Variants in PPP1R9A observed in about 807,000 individuals in gnomAD.
PPP1R9A encodes protein phosphatase 1 regulatory subunit 9A.
In PPP1R9A, 59 loss-of-function variants were observed where a neutral mutation model predicts 141.9. The observed-to-expected ratio is 0.42, with a 90% CI of 0.34 to 0.52. The LOEUF is 0.52. Among genes scored for constraint, PPP1R9A ranks in the 20% least tolerant of loss-of-function variants. The probability of loss-of-function intolerance (pLI) is 0.10; values close to 1 mark genes in which losing one functional copy is unlikely to be tolerated. For synonymous variants in PPP1R9A, 500 were observed against 569.7 expected, an observed-to-expected ratio of 0.88 and a Z score of 1.74; for missense variants, 1,444 against 1,611.9, an observed-to-expected ratio of 0.90 and a Z score of 1.78.
intron 4 of PPP1R9A, among the ~76,000 whole-genome samples, chr7:95,126,546 A>C (rs1445881642): frequency 6.6e-6 from 1 of 152,184 alleles, no homozygotes; most frequent in African/African-American, 2.4e-5. Context: ...ATTCCATTCC[A>C]GTCGACAGTA....
intron 12 of PPP1R9A, among the ~76,000 whole-genome samples, chr7:95,258,746 C>T (rs543745458): frequency 6.6e-5 from 10 of 152,094 alleles, no homozygotes; most frequent in Non-Finnish European, 1.0e-4. Context: ...CATTAGTAAA[C>T]ATAGACATTC....
intron 2 of PPP1R9A, among the ~76,000 whole-genome samples, chr7:95,074,044 C>A (rs145034435): frequency 6.6e-6 from 1 of 152,168 alleles, no homozygotes; most frequent in Non-Finnish European, 1.5e-5. Context: ...CCAATTCCCA[C>A]GTTTACTATG....
intron 2 of PPP1R9A, among the ~76,000 whole-genome samples, chr7:94,940,170 C>T (rs1053049258): frequency 5.3e-5 from 8 of 152,034 alleles, no homozygotes; most frequent in African/African-American, 1.2e-4. Flanking sequence ...AAGTAACTTT[C>T]GGACAGTAAC....
At chr7:94,948,313 T>C (rs1245708721) in intron 2 of PPP1R9A, among the ~76,000 whole-genome samples, 2 of 152,136 alleles carry the variant, frequency 1.3e-5, no homozygotes, top group Non-Finnish European at 2.9e-5. Context: ...TCTGGCAAAC[T>C]CTAACCACTT....
intron 2 of PPP1R9A, among the ~76,000 whole-genome samples, chr7:95,100,101 A>C (rs1423653748): frequency 6.6e-6 from 1 of 151,856 alleles, no homozygotes; most frequent in Non-Finnish European, 1.5e-5. Context: ...GTATATGTAA[A>C]ACTTTCCACA....
chr7:94,970,166 C>T, intron 2 of PPP1R9A, among the ~76,000 whole-genome samples: 1 of 152,150 alleles, frequency 6.6e-6, no homozygotes, highest in East Asian at 1.9e-4. Flanking sequence ...GGTTCTGTCT[C>T]ACAGGCATTC....
At chr7:95,155,630 T>C (rs1829488474) in intron 4 of PPP1R9A, 1 of 152,232 alleles carries the variant, frequency 6.6e-6, no homozygotes, top group African/African-American at 2.4e-5. Context: ...TCCAAAAGTA[T>C]AACATGTTAA....
intron 5 of PPP1R9A, among the ~76,000 whole-genome samples, chr7:95,175,729 G>T (rs1183128914): frequency 6.6e-6 from 1 of 151,996 alleles, no homozygotes; most frequent in Non-Finnish European, 1.5e-5. Context: ...ATGCTTTCAA[G>T]AAACTATCTG....
intron 2 of PPP1R9A, among the ~76,000 whole-genome samples, chr7:94,989,224 C>T (rs1801209090): frequency 6.6e-6 from 1 of 152,134 alleles, no homozygotes; most frequent in Non-Finnish European, 1.5e-5. Flanking sequence ...GTAAAATTAA[C>T]ACTCTTATCT....
intron 12 of PPP1R9A, among the ~76,000 whole-genome samples, chr7:95,259,753 A>G (rs1414141203): frequency 2.6e-5 from 4 of 152,204 alleles, no homozygotes; most frequent in Admixed American, 2.6e-4. Flanking sequence ...AAGTCATTAA[A>G]AGAAAAGTGA....
chr7:95,295,548 G>C lies in PPP1R9A; in HGVS notation c.*5245G>C, dbSNP rs578219658. ...AGTCACTGCCTACTGGCTCTCTTAT[G>C]ATGAATGTTGCCATCATATGATCAT... On this transcript the variant is annotated 3_prime_UTR_variant, in exon 20 of 20. Transcript: ENST00000433360. 2 of 152,312 alleles carry C rather than the reference G, an allele frequency of 1.3e-5. No homozygotes were observed. Among genetic ancestry groups the C allele is most frequent in the East Asian group, 3.9e-4 (2 of 5,176 alleles). 9.4% of individuals were successfully genotyped at this position (152,312 alleles called of 1,614,324 possible).
At chr7:95,224,817 A>C (rs1466101137) in intron 7 of PPP1R9A, among the ~76,000 whole-genome samples, 2 of 152,130 alleles carry the variant, frequency 1.3e-5, no homozygotes, top group East Asian at 3.9e-4. Flanking sequence ...ACTCAAAGGA[A>C]TAGATCATTC....
intron 2 of PPP1R9A, among the ~76,000 whole-genome samples, chr7:95,099,658 T>C (rs1818496042): frequency 6.6e-6 from 1 of 152,208 alleles, no homozygotes; most frequent in African/African-American, 2.4e-5. Context: ...GAAGAACTTA[T>C]TTTTAAGGCT....
intron 8 of PPP1R9A, among the ~76,000 whole-genome samples, chr7:95,232,569 A>G (rs1002300992): frequency 8.5e-5 from 13 of 152,210 alleles, no homozygotes; most frequent in Non-Finnish European, 1.6e-4. Flanking sequence ...AGAAACTATT[A>G]TCAGAGTGAA....
chr7:95,251,273 T>C (rs528573118), intron 10 of PPP1R9A, among the ~76,000 whole-genome samples: 2 of 152,202 alleles, frequency 1.3e-5, no homozygotes, highest in South Asian at 4.1e-4. Context: ...CCCCATATTA[T>C]CCTTAGGTCT....
chr7:95,271,047 G>A (rs776517195), intron 14 of PPP1R9A, among the ~76,000 whole-genome samples: 7 of 152,070 alleles, frequency 4.6e-5, no homozygotes, highest in Non-Finnish European at 7.4e-5. Context: ...GGAAAAAAAG[G>A]GTAGGTAAGG....
intron 12 of PPP1R9A, among the ~76,000 whole-genome samples, chr7:95,260,407 G>A (rs140513457): frequency 6.4e-4 from 98 of 152,262 alleles, no homozygotes; most frequent in African/African-American, 2.1e-3. Context: ...GGCCAGGCAC[G>A]GTGGCTCATG....
chr7:95,115,690 G>A (rs1282794938), intron 3 of PPP1R9A, among the ~76,000 whole-genome samples: 2 of 152,008 alleles, frequency 1.3e-5, no homozygotes, highest in East Asian at 3.9e-4. Flanking sequence ...AGGCTGAGAT[G>A]GGCGGATCAC....
chr7:95,138,831 T>C (rs534730580), intron 4 of PPP1R9A, among the ~76,000 whole-genome samples: 1 of 152,248 alleles, frequency 6.6e-6, no homozygotes, highest in Admixed American at 6.5e-5. Flanking sequence ...TGGCTAAAGA[T>C]AAGAATGCTA....
Sources: allele counts gnomAD v4.1 joint callset (sites outside exome capture counted in the v4.1 genomes callset), GRCh38; gene constraint gnomAD v4.1.1; transcripts MANE v1.5; gene names NCBI Gene and HGNC (gene_info 2026-07-23, HGNC 2026-07-21).